Variants in KCNQ3 observed in about 807,000 individuals in gnomAD.
KCNQ3 encodes potassium voltage-gated channel subfamily Q member 3, also known as potassium voltage-gated channel subfamily KQT member 3.
KCNQ3 carries 30 observed loss-of-function variants against 92.5 expected under a neutral mutation model. The ratio of observed to expected loss-of-function variants is 0.32; its 90% confidence interval spans 0.24 to 0.44. The LOEUF is 0.44. KCNQ3 is among the 20% of genes least tolerant of loss of function. The pLI, the probability that KCNQ3 is intolerant of heterozygous loss-of-function variation, is 1.00. For synonymous variants in KCNQ3, 450 were observed against 468.8 expected, an observed-to-expected ratio of 0.96 and a Z score of 0.52; for missense variants, 913 against 1,140.3, an observed-to-expected ratio of 0.80 and a Z score of 2.87.
chr8:132,415,831 C>CA (rs1382481331), intron 1 of KCNQ3, among the ~76,000 whole-genome samples: 2 of 152,176 alleles, frequency 1.3e-5, no homozygotes, highest in Non-Finnish European at 2.9e-5. Context: ...ATATCTCTGG[C>CA]ATGAAAATTT....
At chr8:132,163,828 G>C (rs1270613347) in intron 8 of KCNQ3, among the ~76,000 whole-genome samples, 1 of 152,164 alleles carries the variant, frequency 6.6e-6, no homozygotes, top group Non-Finnish European at 1.5e-5. Flanking sequence ...AGACAGACCA[G>C]GAAACCAGGA....
intron 1 of KCNQ3, among the ~76,000 whole-genome samples, chr8:132,315,864 C>CCTCT (rs1470764810): frequency 6.6e-6 from 1 of 152,174 alleles, no homozygotes; most frequent in Non-Finnish European, 1.5e-5. Context: ...AGCCATAGTT[C>CCTCT]CTCTCATGTA....
intron 1 of KCNQ3, among the ~76,000 whole-genome samples, chr8:132,279,652 C>G (rs1043608414): frequency 1.3e-5 from 2 of 152,294 alleles, no homozygotes; most frequent in South Asian, 4.2e-4. Flanking sequence ...TCACACACAT[C>G]AACAGATACA....
chr8:132,140,841 C>G (rs1427333376), intron 10 of KCNQ3: 1 of 462,558 alleles, frequency 2.2e-6, no homozygotes. Flanking sequence ...CATAACAATC[C>G]AATCATGGGG....
chr8:132,473,081 T>G (rs1029713957), intron 1 of KCNQ3, among the ~76,000 whole-genome samples: 1 of 152,100 alleles, frequency 6.6e-6, no homozygotes, highest in African/African-American at 2.4e-5. Flanking sequence ...GAATAAAGAA[T>G]GACAACTTAT....
chr8:132,403,112 AG>A (rs1482105197), intron 1 of KCNQ3, among the ~76,000 whole-genome samples: 2 of 151,180 alleles, frequency 1.3e-5, no homozygotes, highest in South Asian at 2.1e-4. Flanking sequence ...TTGTTTGTGG[AG>A]GGGGCAAGGA....
intron 1 of KCNQ3, among the ~76,000 whole-genome samples, chr8:132,320,094 T>C (rs1817856394): frequency 6.6e-6 from 1 of 152,254 alleles, no homozygotes. Context: ...TACACACATC[T>C]GTCAATTTGG....
At chr8:132,439,609 G>A (rs1215877350) in intron 1 of KCNQ3, among the ~76,000 whole-genome samples, 2 of 152,124 alleles carry the variant, frequency 1.3e-5, no homozygotes, top group African/African-American at 4.8e-5. Flanking sequence ...ACAGCCACAA[G>A]GTTCCTTTCC....
intron 1 of KCNQ3, among the ~76,000 whole-genome samples, chr8:132,253,200 C>A (rs553329851): frequency 6.6e-6 from 1 of 152,282 alleles, no homozygotes; most frequent in East Asian, 1.9e-4. Context: ...AGGAGTTTGA[C>A]TTACAGCAGA....
At chr8:132,281,878 T>C (rs1816534150) in intron 1 of KCNQ3, among the ~76,000 whole-genome samples, 1 of 152,168 alleles carries the variant, frequency 6.6e-6, no homozygotes, top group South Asian at 2.1e-4. Flanking sequence ...TTACCTCTCA[T>C]CTCACTGCTC....
intron 1 of KCNQ3, among the ~76,000 whole-genome samples, chr8:132,465,700 C>T (rs1377654313): frequency 1.3e-5 from 2 of 152,118 alleles, no homozygotes; most frequent in Non-Finnish European, 2.9e-5. Context: ...GCCGAGATTG[C>T]ACCACTGCAC....
chr8:132,414,581 T>C (rs986255912), intron 1 of KCNQ3, among the ~76,000 whole-genome samples: 1 of 152,200 alleles, frequency 6.6e-6, no homozygotes, highest in African/African-American at 2.4e-5. Flanking sequence ...ACTAGAACAG[T>C]TGCTGGGAGC....
At chr8:132,323,910 C>T (rs1387800667) in intron 1 of KCNQ3, among the ~76,000 whole-genome samples, 5 of 152,188 alleles carry the variant, frequency 3.3e-5, no homozygotes, top group African/African-American at 2.4e-5. Flanking sequence ...AAAGGAAGCA[C>T]GCGTTCTGAC....
At chr8:132,341,460 T>A (rs1818526483) in intron 1 of KCNQ3, among the ~76,000 whole-genome samples, 3 of 152,214 alleles carry the variant, frequency 2.0e-5, no homozygotes, top group Admixed American at 6.5e-5. Context: ...CCCATGGACA[T>A]TCTACCTTGC....
At chr8:132,296,839 G>A (rs937045533) in intron 1 of KCNQ3, among the ~76,000 whole-genome samples, 14 of 151,602 alleles carry the variant, frequency 9.2e-5, no homozygotes, top group East Asian at 5.8e-4. Flanking sequence ...GAATAGTGCC[G>A]CAATAAACAT....
chr8:132,239,968 C>T (rs1814933641), intron 1 of KCNQ3, among the ~76,000 whole-genome samples: 1 of 152,160 alleles, frequency 6.6e-6, no homozygotes, highest in Non-Finnish European at 1.5e-5. Context: ...TTGAGGCACT[C>T]AGACAGTATT....
intron 1 of KCNQ3, among the ~76,000 whole-genome samples, chr8:132,205,874 G>A (rs1338776414): frequency 6.6e-6 from 1 of 152,166 alleles, no homozygotes; most frequent in African/African-American, 2.4e-5. Flanking sequence ...TAGAACAGCT[G>A]TATTAATAGA....
At chr8:132,349,801 G>C (rs1396878616) in intron 1 of KCNQ3, among the ~76,000 whole-genome samples, 1 of 152,222 alleles carries the variant, frequency 6.6e-6, no homozygotes, top group Non-Finnish European at 1.5e-5. Flanking sequence ...AACCACCCAA[G>C]CCAACCTGCA....
intron 1 of KCNQ3, among the ~76,000 whole-genome samples, chr8:132,316,838 T>A (rs1563856018): frequency 6.6e-6 from 1 of 152,234 alleles, no homozygotes; most frequent in Non-Finnish European, 1.5e-5. Context: ...ATTCTGGCAA[T>A]AATGGACTTA....
Sources: gnomAD v4.1 joint callset for allele counts (sites outside exome capture counted in the v4.1 genomes callset) on GRCh38, gnomAD v4.1.1 for gene constraint, MANE v1.5 for transcripts, NCBI Gene and HGNC (gene_info 2026-07-23, HGNC 2026-07-21) for gene names.